The following CDH12 variants were observed in gnomAD, a reference collection of about 807,000 sequenced individuals.
CDH12 encodes cadherin 12.
A neutral mutation model predicts 74.1 loss-of-function variants in CDH12; 41 were observed. The observed-to-expected ratio is 0.55, with a 90% confidence interval of 0.43 to 0.72. CDH12 has a LOEUF of 0.72. Ranked by LOEUF, CDH12 falls within the 30% of genes least tolerant of loss-of-function variation. The probability of loss-of-function intolerance (pLI) is 0.00; values close to 1 mark genes in which losing one functional copy is unlikely to be tolerated. For synonymous variants in CDH12, 399 were observed against 355.0 expected (o/e 1.12, Z -1.39); for missense variants, 945 against 977.2 (o/e 0.97, Z 0.44).
At position 22,283,255 on chromosome 5, in the gene CDH12, C is replaced by CAT. The variant is rs1235033556; in HGVS notation, c.-332-70613_-332-70612insAT. Among the ~76,000 whole-genome samples, 1,166 of 138,060 alleles carry CAT rather than the reference C, an allele frequency of 8.4e-3. 21 individuals carry two copies. The highest frequency in any genetic ancestry group is 0.033 in the African/African-American group (1,103 of 33,174). 90.6% of individuals were successfully genotyped at this position (138,060 alleles called of 152,430 possible). On this transcript the variant is annotated intron_variant, in intron 3 of 14. Coordinates refer to ENST00000382254, the MANE Select transcript of CDH12 (RefSeq NM_004061.5). ...ATATATATATATATATATATATACACACACACACACACACACACACATATA... is the reference window on the plus strand; with the variant it reads ...ATATATATATATATATATATATACACATACACACACACACACACACACATATA...
intron 3 of CDH12, among the ~76,000 whole-genome samples, chr5:22,291,187 C>A (rs1269381966): frequency 1.3e-5 from 2 of 152,026 alleles, no homozygotes; most frequent in African/African-American, 4.8e-5. Flanking sequence ...TATAAAAACA[C>A]TCAGCAAATT....
intron 5 of CDH12, among the ~76,000 whole-genome samples, chr5:21,993,200 A>C (rs1736055274): frequency 6.6e-6 from 1 of 152,132 alleles, no homozygotes; most frequent in African/African-American, 2.4e-5. Flanking sequence ...TCAATACTGA[A>C]CTAAATCAAA....
intron 1 of CDH12, among the ~76,000 whole-genome samples, chr5:22,772,318 T>C (rs2126314026): frequency 6.6e-6 from 1 of 152,142 alleles, no homozygotes; most frequent in Non-Finnish European, 1.5e-5. Flanking sequence ...CACTGTGATT[T>C]GACAAGAAGG....
chr5:22,848,907 AT>A (rs1182551510), intron 1 of CDH12, among the ~76,000 whole-genome samples: 4 of 150,022 alleles, frequency 2.7e-5, no homozygotes, highest in Non-Finnish European at 4.4e-5. Flanking sequence ...GTAAGTGTGG[AT>A]TTTTTTTTCT....
chr5:21,936,414 T>C (rs1755076645), intron 6 of CDH12, among the ~76,000 whole-genome samples: 1 of 152,196 alleles, frequency 6.6e-6, no homozygotes. Context: ...TTAAGTTTCT[T>C]ATTTAATAGA....
chr5:22,633,756 C>A (rs2126860255), intron 1 of CDH12, among the ~76,000 whole-genome samples: 1 of 152,274 alleles, frequency 6.6e-6, no homozygotes, highest in Non-Finnish European at 1.5e-5. Context: ...AGGCTTTGAA[C>A]CAGCTTTCCT....
intron 3 of CDH12, among the ~76,000 whole-genome samples, chr5:22,254,302 G>A (rs1382704445): frequency 3.3e-5 from 5 of 151,738 alleles, no homozygotes; most frequent in Non-Finnish European, 7.4e-5. Context: ...TATTAAGTGG[G>A]GGATAAGAAA....
intron 1 of CDH12, among the ~76,000 whole-genome samples, chr5:22,535,678 T>C (rs1051342138): frequency 6.6e-6 from 1 of 152,232 alleles, no homozygotes; most frequent in East Asian, 1.9e-4. Context: ...AAGTAAGCTT[T>C]AGTATGCTAA....
chr5:22,189,059 C>T (rs538675324), intron 4 of CDH12, among the ~76,000 whole-genome samples: 2 of 152,028 alleles, frequency 1.3e-5, no homozygotes, highest in Admixed American at 6.6e-5. Flanking sequence ...TCTGTGAAAC[C>T]AATGTGAAAA....
intron 4 of CDH12, among the ~76,000 whole-genome samples, chr5:22,089,094 A>C (rs929228803): frequency 1.5e-4 from 23 of 152,338 alleles, no homozygotes; most frequent in African/African-American, 5.3e-4. Context: ...GACATTAGAC[A>C]ATGTCATATG....
In CDH12 at chr5:22,778,438, A is replaced by G. The variant is rs10066273; in HGVS notation, c.-523+74620T>C. Among the ~76,000 whole-genome samples the G allele has an allele frequency of 7.6e-3, 1,160 of 152,230 alleles. 9 individuals are homozygous for G. Among genetic ancestry groups the G allele is most frequent in the African/African-American group, 0.026 (1,099 of 41,554 alleles). On this transcript the variant is annotated intron_variant, in intron 1 of 14. Transcript: ENST00000382254. ...AAAGAGCTGAGACAATTCTATACATATCTCCCACTGTTTGAGTCATTCTAG... is the reference window on the plus strand; with the variant it reads ...AAAGAGCTGAGACAATTCTATACATGTCTCCCACTGTTTGAGTCATTCTAG...
At chr5:21,813,003 G>T (rs375845298) in intron 9 of CDH12, among the ~76,000 whole-genome samples, 377 of 152,200 alleles carry the variant, frequency 2.5e-3, no homozygotes, top group Non-Finnish European at 4.0e-3. Context: ...AATATGTTTT[G>T]GCTGTTCCTT....
intron 3 of CDH12, among the ~76,000 whole-genome samples, chr5:22,355,001 C>T (rs1005179124): frequency 6.6e-6 from 1 of 152,142 alleles, no homozygotes; most frequent in African/African-American, 2.4e-5. Context: ...CTGGGACTCA[C>T]ACCTTAGCCT....
At chr5:22,101,817 A>T (rs976775561) in intron 4 of CDH12, among the ~76,000 whole-genome samples, 21 of 152,200 alleles carry the variant, frequency 1.4e-4, no homozygotes, top group Admixed American at 3.3e-4. Context: ...TAATGTTATA[A>T]TTCAGGTATT....
At chr5:21,900,112 A>C (rs1753314870) in intron 6 of CDH12, among the ~76,000 whole-genome samples, 1 of 152,150 alleles carries the variant, frequency 6.6e-6, no homozygotes, top group Admixed American at 6.6e-5. Context: ...ACATTGAATA[A>C]TTTGGATCTT....
intron 3 of CDH12, among the ~76,000 whole-genome samples, chr5:22,247,836 A>T (rs925894725): frequency 6.6e-6 from 1 of 152,158 alleles, no homozygotes; most frequent in Non-Finnish European, 1.5e-5. Flanking sequence ...TCACATGTAA[A>T]CATATCCAGT....
intron 4 of CDH12, among the ~76,000 whole-genome samples, chr5:22,136,108 T>C (rs1746446698): frequency 6.6e-6 from 1 of 152,018 alleles, no homozygotes; most frequent in Non-Finnish European, 1.5e-5. Context: ...AGGTAAGTTA[T>C]ATTGCAGATT....
intron 1 of CDH12, among the ~76,000 whole-genome samples, chr5:22,786,322 T>A (rs1239782313): frequency 6.6e-6 from 1 of 152,202 alleles, no homozygotes; most frequent in East Asian, 1.9e-4. Context: ...TTTGCAGTTG[T>A]GAATGTAGAC....
chr5:22,431,610 A>C (rs4406107), intron 2 of CDH12, among the ~76,000 whole-genome samples: 36,398 of 152,070 alleles, frequency 0.24, 5,350 homozygotes, highest in Admixed American at 0.44. Context: ...TTCCACAAGA[A>C]GGCATTGTTA....
Sources: gnomAD v4.1 joint callset for allele counts (sites outside exome capture counted in the v4.1 genomes callset) on GRCh38, gnomAD v4.1.1 for gene constraint, MANE v1.5 for transcripts, NCBI Gene and HGNC (gene_info 2026-07-23, HGNC 2026-07-21) for gene names.